Variants in BMP5 observed in about 807,000 individuals in gnomAD.
BMP5 encodes the protein bone morphogenetic protein 5.
In BMP5, 23 loss-of-function variants were observed where a neutral mutation model predicts 46.6. That is an observed-to-expected ratio of 0.49 (90% CI 0.35 to 0.70). The LOEUF is 0.70. Among genes scored for constraint, BMP5 ranks in the 30% least tolerant of loss-of-function variants. The probability of loss-of-function intolerance (pLI) is 0.00; values close to 1 mark genes in which losing one functional copy is unlikely to be tolerated. For synonymous variants in BMP5, 204 were observed against 191.9 expected (o/e 1.06, Z -0.52); for missense variants, 545 against 565.6 (o/e 0.96, Z 0.37).
chr6:55,857,241 A>G (rs571183962), intron 1 of BMP5, among the ~76,000 whole-genome samples: 2 of 152,302 alleles, frequency 1.3e-5, no homozygotes, highest in East Asian at 3.9e-4. Context: ...TTGAATTTAC[A>G]TTAGTAATTG....
chr6:55,774,000 A>G, intron 4 of BMP5, 49 bp downstream of exon 4: 3 of 1,588,056 alleles, frequency 1.9e-6, no homozygotes, highest in Non-Finnish European at 1.7e-6. Context: ...TTTGCAGCAT[A>G]CGACCCCATA....
rs181342776 is a variant in BMP5, at chr6:55,844,969, A to G, written c.491-25122T>C. ...AAAAACAAAAAGACAACTTGTTTAT[A>G]TCATATAGCTTTAGTTTAATTCACC... On this transcript the variant is annotated intron_variant, in intron 1 of 6. Transcript: ENST00000370830. Among the ~76,000 whole-genome samples, 19 of 152,176 alleles carry G rather than the reference A, an allele frequency of 1.2e-4. No individual in the cohort carries two copies. The East Asian group carries it at 3.5e-3, about 28-fold the overall frequency.
chr6:55,782,455 A>T (rs757565232), intron 3 of BMP5, among the ~76,000 whole-genome samples: 2 of 152,168 alleles, frequency 1.3e-5, no homozygotes, highest in Non-Finnish European at 2.9e-5. Flanking sequence ...ACGAGTTACA[A>T]GGTGAAATCT....
intron 2 of BMP5, 112 bp downstream of exon 2, chr6:55,819,543 A>G: frequency 2.3e-6 from 2 of 880,852 alleles, no homozygotes. Flanking sequence ...AAATGTTACT[A>G]CATTGCCCCC....
intron 3 of BMP5, among the ~76,000 whole-genome samples, chr6:55,793,502 G>T (rs1233634028): frequency 1.3e-5 from 2 of 152,062 alleles, no homozygotes; most frequent in African/African-American, 2.4e-5. Context: ...GGCTCTTTTG[G>T]CTCCATCCCA....
At chr6:55,804,589 A>C (rs1417620958) in intron 2 of BMP5, among the ~76,000 whole-genome samples, 1 of 152,190 alleles carries the variant, frequency 6.6e-6, no homozygotes, top group African/African-American at 2.4e-5. Context: ...AATGATCAAC[A>C]ATATCAAATA....
intron 1 of BMP5, among the ~76,000 whole-genome samples, chr6:55,834,357 A>C (rs961446982): frequency 6.6e-6 from 1 of 152,186 alleles, no homozygotes; most frequent in Non-Finnish European, 1.5e-5. Flanking sequence ...TCAATAATAA[A>C]AGTAAATATT....
chr6:55,757,762 T>C lies in BMP5; in HGVS notation c.1215+1243A>G, dbSNP rs1235422535. 2.0e-5 allele frequency among the ~76,000 whole-genome samples: 3 copies of C among 151,998 alleles called. No homozygotes were observed. The East Asian group carries it at 5.8e-4, about 29-fold the overall frequency. On this transcript the variant is annotated intron_variant, in intron 6 of 6. Transcript: ENST00000370830. ...ATAAATAATTTATTATCAAAATGTA[T>C]ATTTGCTTTATCTTTCTGTTGCTCT...
intron 4 of BMP5, among the ~76,000 whole-genome samples, chr6:55,765,588 C>T (rs1774899518): frequency 6.6e-6 from 1 of 152,042 alleles, no homozygotes; most frequent in Non-Finnish European, 1.5e-5. Flanking sequence ...TAGAAAAATT[C>T]AGGATAAGCC....
rs547862632 is a variant in BMP5, at chr6:55,862,709, A to T, written c.490+11667T>A. On this transcript the variant is annotated intron_variant, in intron 1 of 6. Coordinates refer to ENST00000370830, the MANE Select transcript of BMP5 (RefSeq NM_021073.4). ...ATTAGCATCCAGTGTAAAATATAAAACCTTCTTTTCGGATATTTCCTTGAA... is the reference window on the plus strand; with the variant it reads ...ATTAGCATCCAGTGTAAAATATAAATCCTTCTTTTCGGATATTTCCTTGAA... 5.9e-5 allele frequency among the ~76,000 whole-genome samples: 9 copies of T among 152,270 alleles called. No homozygotes were observed. The South Asian group carries it at 1.9e-3, about 32-fold the overall frequency.
chr6:55,781,392 AC>A (rs1562034931), intron 3 of BMP5, among the ~76,000 whole-genome samples: 1 of 152,136 alleles, frequency 6.6e-6, no homozygotes, highest in Non-Finnish European at 1.5e-5. Context: ...GCAGAAATCA[AC>A]CAAAAACTTT....
chr6:55,783,488 A>C (rs985194122), intron 3 of BMP5, among the ~76,000 whole-genome samples: 2 of 151,938 alleles, frequency 1.3e-5, no homozygotes, highest in Non-Finnish European at 2.9e-5. Context: ...CCTTATAAGG[A>C]TTAAAGGTTC....
intron 1 of BMP5, among the ~76,000 whole-genome samples, chr6:55,840,532 T>C (rs2127545322): frequency 6.6e-6 from 1 of 152,324 alleles, no homozygotes; most frequent in African/African-American, 2.4e-5. Context: ...ATACTATTTT[T>C]CTGGTACTCT....
intron 2 of BMP5, among the ~76,000 whole-genome samples, chr6:55,794,794 T>C (rs1194210264): frequency 1.3e-5 from 2 of 152,212 alleles, no homozygotes; most frequent in African/African-American, 2.4e-5. Flanking sequence ...CAAATGAAAG[T>C]AGTTGTTCCA....
intron 4 of BMP5, 142 bp from the exon 5 acceptor site, chr6:55,760,675 A>C (rs899337199): frequency 2.9e-5 from 20 of 700,296 alleles, no homozygotes; most frequent in Non-Finnish European, 4.3e-5. Context: ...AGTTAGAACT[A>C]CTTACTAACC....
chr6:55,759,166 A>C (rs1774696105), intron 5 of BMP5, 51 bp from the exon 6 acceptor site: 31 of 849,596 alleles, frequency 3.6e-5, no homozygotes, highest in African/African-American at 2.0e-4. Context: ...AAAAAAAAAA[A>C]AAAAAAAAAA....
intron 1 of BMP5, among the ~76,000 whole-genome samples, chr6:55,825,799 G>A (rs1776518617): frequency 6.6e-6 from 1 of 151,804 alleles, no homozygotes; most frequent in African/African-American, 2.4e-5. Context: ...TGGGCAATCA[G>A]TCTTAATCTC....
chr6:55,848,425 T>A (rs1319206009), intron 1 of BMP5, among the ~76,000 whole-genome samples: 1 of 151,996 alleles, frequency 6.6e-6, no homozygotes, highest in Non-Finnish European at 1.5e-5. Context: ...TAATTCAATA[T>A]ATTCATATTA....
intron 3 of BMP5, among the ~76,000 whole-genome samples, chr6:55,789,917 A>G (rs1485600823): frequency 6.6e-6 from 1 of 152,202 alleles, no homozygotes; most frequent in East Asian, 1.9e-4. Context: ...CTTGCCAAAT[A>G]CATTGCAGTT....
Sources: gnomAD v4.1 joint callset for allele counts (sites outside exome capture counted in the v4.1 genomes callset) on GRCh38, gnomAD v4.1.1 for gene constraint, MANE v1.5 for transcripts, NCBI Gene and HGNC (gene_info 2026-07-23, HGNC 2026-07-21) for gene names.